The following TJP2 variants were observed in gnomAD, a reference collection of about 807,000 sequenced individuals.
The protein encoded by TJP2 is Friedreich ataxia region gene X104 (tight junction protein ZO-2).
In TJP2, 91 loss-of-function variants were observed where a neutral mutation model predicts 133.1. The observed-to-expected ratio is 0.68, with a 90% CI of 0.58 to 0.81. The LOEUF is 0.81. Ranked by LOEUF, TJP2 falls within the 40% of genes least tolerant of loss-of-function variation. The probability of loss-of-function intolerance (pLI) is 0.00; values close to 1 mark genes in which losing one functional copy is unlikely to be tolerated. For missense variants in TJP2, 1,541 were observed against 1,565.6 expected, an observed-to-expected ratio of 0.98 and a Z score of 0.26; for synonymous variants, 592 against 583.4, an observed-to-expected ratio of 1.01 and a Z score of -0.21.
chr9:69,241,242 G>C (rs144697397), intron 17 of TJP2, among the ~76,000 whole-genome samples: 1 of 152,162 alleles, frequency 6.6e-6, no homozygotes, highest in African/African-American at 2.4e-5. Context: ...TATATGCACT[G>C]TCTATATAAA....
chr9:69,210,299 C>CA (rs3067182), intron 1 of TJP2, among the ~76,000 whole-genome samples: 1,900 of 27,884 alleles, frequency 0.068, 100 homozygotes, highest in Non-Finnish European at 0.088. Context: ...CCCCCCCCCC[C>CA]AAAAAAAAAA....
intron 22 of TJP2, chr9:69,253,397 A>G (rs1329476486): frequency 6.3e-6 from 1 of 158,384 alleles, no homozygotes; most frequent in Non-Finnish European, 1.4e-5. Flanking sequence ...TTGAAGTTTT[A>G]TACTGGATTG....
Position 69,209,413 on chromosome 9 carries a change from C to T in TJP2, c.61-3135C>T, listed in dbSNP as rs537588114. Among the ~76,000 whole-genome samples the T allele has an allele frequency of 1.6e-4, 25 of 152,152 alleles. 1 individual carries two copies. The highest frequency in any genetic ancestry group is 5.5e-4 in the African/African-American group (23 of 41,552). ...CCTCCCAAAGTGTTGGGATTATAGGCGTGAACCATCACGCCCGACCCGGTT... is the reference window on the plus strand; with the variant it reads ...CCTCCCAAAGTGTTGGGATTATAGGTGTGAACCATCACGCCCGACCCGGTT... On this transcript the variant is annotated intron_variant, in intron 1 of 22. Transcript: ENST00000377245.
intron 1 of TJP2, among the ~76,000 whole-genome samples, chr9:69,137,283 CTTTCTTTCTTTCTTT>C (rs1822802076): frequency 9.3e-6 from 1 of 107,214 alleles, no homozygotes; most frequent in African/African-American, 4.0e-5. Context: ...TTCTTTCTTT[CTTTCTTTCTTTCTTT>C]CTTTTCTTTT....
At chr9:69,165,777 C>T (rs1219771866) in intron 2 of TJP2, among the ~76,000 whole-genome samples, 1 of 152,200 alleles carries the variant, frequency 6.6e-6, no homozygotes, top group African/African-American at 2.4e-5. Flanking sequence ...CCAGGGTGTC[C>T]TGCCAGGAAG....
intron 1 of TJP2, among the ~76,000 whole-genome samples, chr9:69,204,267 C>T (rs530206373): frequency 8.5e-5 from 13 of 152,324 alleles, no homozygotes; most frequent in African/African-American, 3.1e-4. Context: ...TACATCTCAG[C>T]CTCAAATCAA....
At chr9:69,233,352 C>T (rs1478180365) in intron 11 of TJP2, among the ~76,000 whole-genome samples, 1 of 152,162 alleles carries the variant, frequency 6.6e-6, no homozygotes, top group Non-Finnish European at 1.5e-5. Flanking sequence ...TTGTCAATGA[C>T]TGAAGAAAAT....
chr9:69,219,813 A>C (rs1255435920), intron 4 of TJP2, among the ~76,000 whole-genome samples: 1 of 152,082 alleles, frequency 6.6e-6, no homozygotes, highest in Non-Finnish European at 1.5e-5. Flanking sequence ...AGTTCCTTTT[A>C]ATCTAGAAGG....
chr9:69,138,339 T>A (rs1822865055), intron 1 of TJP2, among the ~76,000 whole-genome samples: 1 of 152,168 alleles, frequency 6.6e-6, no homozygotes, highest in African/African-American at 2.4e-5. Context: ...GTGGAGGATT[T>A]TCTTTTCCCA....
chr9:69,203,653 GC>G (rs1214971738), intron 1 of TJP2, among the ~76,000 whole-genome samples: 1 of 129,256 alleles, frequency 7.7e-6, no homozygotes, highest in Non-Finnish European at 1.6e-5. Context: ...TCGCTCTATG[GC>G]CCAGGCTGGA....
intron 2 of TJP2, among the ~76,000 whole-genome samples, chr9:69,163,638 CAAA>C (rs34941016): frequency 6.5e-4 from 88 of 135,642 alleles, no homozygotes; most frequent in Admixed American, 9.4e-4. Flanking sequence ...ACCCTGTCTC[CAAA>C]AAAAAAAAAA....
At chr9:69,134,933 G>A (rs1822659122) in intron 1 of TJP2, among the ~76,000 whole-genome samples, 1 of 151,228 alleles carries the variant, frequency 6.6e-6, no homozygotes. Context: ...GAGAGAGAGG[G>A]AGAAGAGAGA....
At chr9:69,130,347 G>T (rs1029377692) in intron 1 of TJP2, among the ~76,000 whole-genome samples, 4 of 152,166 alleles carry the variant, frequency 2.6e-5, no homozygotes, top group African/African-American at 9.7e-5. Flanking sequence ...TCCATTTGAG[G>T]GTTCTTTGAG....
chr9:69,227,031 A>G (rs1316546374), intron 7 of TJP2, among the ~76,000 whole-genome samples: 4 of 152,250 alleles, frequency 2.6e-5, no homozygotes, highest in African/African-American at 9.6e-5. Flanking sequence ...AAAAATAGTT[A>G]ATCACAGTAT....
chr9:69,163,665 G>T (rs1444159558), intron 2 of TJP2, among the ~76,000 whole-genome samples: 3 of 151,250 alleles, frequency 2.0e-5, no homozygotes, highest in African/African-American at 4.9e-5. Context: ...TTGAGATGGG[G>T]TTTCACCATG....
chr9:69,248,911 C>T, intron 19 of TJP2: 1 of 986,780 alleles, frequency 1.0e-6, no homozygotes, highest in Non-Finnish European at 1.2e-6. Flanking sequence ...CTGTGGATTT[C>T]TCTCTAGCAT....
chr9:69,200,307 G>A (rs901316236), intron 1 of TJP2, among the ~76,000 whole-genome samples: 3 of 152,112 alleles, frequency 2.0e-5, no homozygotes, highest in Non-Finnish European at 4.4e-5. Flanking sequence ...CCTGTGGTTG[G>A]GACATACCTC....
intron 17 of TJP2, among the ~76,000 whole-genome samples, chr9:69,243,165 A>G (rs1830688886): frequency 6.6e-6 from 1 of 152,122 alleles, no homozygotes; most frequent in African/African-American, 2.4e-5. Flanking sequence ...TGCCTGGCCT[A>G]TTTTGTAGGC....
intron 20 of TJP2, among the ~76,000 whole-genome samples, chr9:69,250,349 C>A (rs552185031): frequency 6.6e-6 from 1 of 152,196 alleles, no homozygotes. Context: ...GGTGATCCAC[C>A]CACTTCGGCC....
Sources: gnomAD v4.1 joint callset for allele counts (sites outside exome capture counted in the v4.1 genomes callset) on GRCh38, gnomAD v4.1.1 for gene constraint, MANE v1.5 for transcripts, NCBI Gene and HGNC (gene_info 2026-07-23, HGNC 2026-07-21) for gene names.